Variants in IRAK2 observed in about 807,000 individuals in gnomAD.
IRAK2 encodes interleukin-1 receptor-associated kinase-like 2.
Under a neutral mutation model 72.0 loss-of-function variants are expected in IRAK2, and 57 were observed. The ratio of observed to expected loss-of-function variants is 0.79; its 90% CI spans 0.64 to 0.99. The LOEUF is 0.99. Ranked by LOEUF, IRAK2 falls within the 50% of genes least tolerant of loss-of-function variation. IRAK2 has a pLI of 0.00. For missense variants in IRAK2, 790 were observed against 794.4 expected (o/e 0.99, Z 0.07); for synonymous variants, 293 against 312.7 (o/e 0.94, Z 0.67).
chr3:10,204,216 T>A (rs1697405194), intron 3 of IRAK2, among the ~76,000 whole-genome samples: 1 of 152,202 alleles, frequency 6.6e-6, no homozygotes, highest in African/African-American at 2.4e-5. Flanking sequence ...TATTGCTCTT[T>A]TTACATTTGA....
Position 10,229,473 on chromosome 3 carries a change from A to G in IRAK2, c.1272+3040A>G, listed in dbSNP as rs1697827603. 2.0e-5 allele frequency among the ~76,000 whole-genome samples: 3 copies of G among 152,180 alleles called. No homozygotes were observed. The South Asian group carries it at 6.2e-4, about 32-fold the overall frequency. On this transcript the variant is annotated intron_variant, in intron 10 of 12. Coordinates refer to ENST00000256458, the MANE Select transcript of IRAK2 (RefSeq NM_001570.4). ...AACCACCACCACAATCAAGATACGG[A>G]ATATTTTTGTCACCCCAGAAAATTC...
chr3:10,218,721 T>C (rs1459898359), intron 7 of IRAK2, among the ~76,000 whole-genome samples: 1 of 152,212 alleles, frequency 6.6e-6, no homozygotes, highest in East Asian at 1.9e-4. Context: ...TGGCAGGTGC[T>C]ATGCTAGGGG....
intron 2 of IRAK2, among the ~76,000 whole-genome samples, chr3:10,184,896 T>A (rs559360229): frequency 3.2e-4 from 42 of 129,346 alleles, no homozygotes; most frequent in African/African-American, 9.1e-4. Flanking sequence ...TGCCCGGCTA[T>A]TTTTTTATTT....
chr3:10,169,713 AAC>A (rs1265281840), intron 1 of IRAK2, among the ~76,000 whole-genome samples: 10 of 152,166 alleles, frequency 6.6e-5, no homozygotes, highest in Non-Finnish European at 1.2e-4. Flanking sequence ...ATATTTTTCA[AAC>A]ACACGTTTTA....
intron 2 of IRAK2, among the ~76,000 whole-genome samples, chr3:10,183,631 G>A (rs1048020055): frequency 2.0e-5 from 3 of 152,210 alleles, no homozygotes; most frequent in Non-Finnish European, 2.9e-5. Flanking sequence ...TGAGGCAGGA[G>A]AGTGGTGGGA....
intron 2 of IRAK2, among the ~76,000 whole-genome samples, chr3:10,192,314 C>T (rs1026526856): frequency 2.6e-5 from 4 of 152,096 alleles, no homozygotes; most frequent in Admixed American, 2.6e-4. Context: ...AGAGTGTGCT[C>T]ACCCAGGAAA....
chr3:10,218,086 A>C (rs542442927), intron 7 of IRAK2, among the ~76,000 whole-genome samples: 1 of 152,156 alleles, frequency 6.6e-6, no homozygotes, highest in Admixed American at 6.5e-5. Flanking sequence ...GGGGCTGTCC[A>C]GGCCAGTTCT....
rs768478751 is a variant in IRAK2 at position 10,200,463 on chromosome 3, G to A, written c.372G>A (p.Glu124=). Residue 124 remains glutamate (E), a synonymous_variant, in exon 3 of 13, where the codon GAG becomes GAA. Coordinates refer to ENST00000256458, the MANE Select transcript of IRAK2 (RefSeq NM_001570.4). ...TGGCAGCTTCTGTAAGAAAGGCTGA[G>A]GATGAACAGGAAGAGGGGCAGCCTG... ...KPLAASVRKA[E]DEQEEGQPVR... The A allele has an allele frequency of 2.5e-6, 4 of 1,607,062 alleles. No individual in the cohort carries two copies. The highest frequency in any genetic ancestry group is 3.4e-6 in the Non-Finnish European group (4 of 1,174,334).
At chr3:10,170,405 C>T (rs1696775808) in intron 1 of IRAK2, among the ~76,000 whole-genome samples, 1 of 152,188 alleles carries the variant, frequency 6.6e-6, no homozygotes, top group African/African-American at 2.4e-5. Context: ...GGTCTCGGGG[C>T]TTAGGATGTG....
chr3:10,186,955 A>G (rs1246468450), intron 2 of IRAK2, among the ~76,000 whole-genome samples: 3 of 144,110 alleles, frequency 2.1e-5, no homozygotes, highest in Non-Finnish European at 4.5e-5. Flanking sequence ...GCAAACCACC[A>G]TGCCCAGCTA....
rs770927127 is a variant in IRAK2 at position 10,242,109 on chromosome 3, A to G, written c.1766-7A>G. On this transcript the variant is annotated splice_polypyrimidine_tract_variant and splice_region_variant and intron_variant, in intron 12 of 12. Transcript: ENST00000256458. ...GTCGCTCTTGTTTGCTTTCTGTTGA[A>G]CATCAGTTACAGAAACTTCGTGGCA... The G allele has an allele frequency of 6.6e-7, 1 of 1,526,086 alleles. No homozygotes were observed. Among genetic ancestry groups the G allele is most frequent in the South Asian group, 1.1e-5 (1 of 88,392 alleles). 94.5% of individuals were successfully genotyped at this position (1,526,086 alleles called of 1,614,324 possible).
At chr3:10,200,025 C>T (rs1697331450) in intron 2 of IRAK2, among the ~76,000 whole-genome samples, 1 of 151,808 alleles carries the variant, frequency 6.6e-6, no homozygotes, top group Non-Finnish European at 1.5e-5. Flanking sequence ...GTAGCTGAGA[C>T]TACAGCCGTG....
chr3:10,201,135 A>G (rs1697354771), intron 3 of IRAK2, among the ~76,000 whole-genome samples: 1 of 152,252 alleles, frequency 6.6e-6, no homozygotes, highest in South Asian at 2.1e-4. Context: ...CTAGTGCCAG[A>G]CACTATTCCA....
chr3:10,175,762 C>CTCTA (rs1696862846), intron 1 of IRAK2, among the ~76,000 whole-genome samples: 1 of 151,676 alleles, frequency 6.6e-6, no homozygotes, highest in African/African-American at 2.4e-5. Context: ...TGGTGGTGGG[C>CTCTA]GCCTGTAGTC....
At chr3:10,219,882 C>A (rs1697662425) in intron 8 of IRAK2, 93 bp downstream of exon 8, 6 of 799,130 alleles carry the variant, frequency 7.5e-6, no homozygotes, top group Non-Finnish European at 1.1e-5. Flanking sequence ...GCCACTCACC[C>A]CTGTCCTCTT....
chr3:10,212,501 C>T (rs989062488), intron 4 of IRAK2, among the ~76,000 whole-genome samples: 2 of 152,076 alleles, frequency 1.3e-5, no homozygotes, highest in Admixed American at 6.6e-5. Flanking sequence ...GTGCTGAGCT[C>T]GGCCACTGAC....
chr3:10,239,124 T>C, intron 12 of IRAK2, 85 bp downstream of exon 12: 2 of 1,220,118 alleles, frequency 1.6e-6, no homozygotes, highest in African/African-American at 3.0e-5. Context: ...GTTGCCTTCA[T>C]TCACTCCTTC....
intron 2 of IRAK2, among the ~76,000 whole-genome samples, chr3:10,194,529 G>C (rs1697234315): frequency 6.6e-6 from 1 of 152,282 alleles, no homozygotes; most frequent in African/African-American, 2.4e-5. Context: ...GTAGGCATTT[G>C]GCCTCCTTTG....
chr3:10,171,519 G>A lies in IRAK2; in HGVS notation c.95-6319G>A, dbSNP rs541845902. Reference sequence around the variant, plus strand: ...TGTGGAGGACTTTGAAGACAGGCAAGGTTTTCTACTGCCTCGGGTGAACTC... The same window carrying A: ...TGTGGAGGACTTTGAAGACAGGCAAAGTTTTCTACTGCCTCGGGTGAACTC... On this transcript the variant is annotated intron_variant, in intron 1 of 12. Coordinates refer to ENST00000256458, the MANE Select transcript of IRAK2 (RefSeq NM_001570.4). Among the ~76,000 whole-genome samples, 74 of 152,250 alleles carry A rather than the reference G, an allele frequency of 4.9e-4. 1 individual carries two copies. The highest frequency in any genetic ancestry group is 1.7e-3 in the African/African-American group (69 of 41,566).
Sources: allele counts gnomAD v4.1 joint callset (sites outside exome capture counted in the v4.1 genomes callset), GRCh38; gene constraint gnomAD v4.1.1; transcripts MANE v1.5; gene names NCBI Gene and HGNC (gene_info 2026-07-23, HGNC 2026-07-21).